The following NTN4 variants were observed in gnomAD, a reference collection of about 807,000 sequenced individuals.
NTN4 encodes the protein netrin-4.
Under a neutral mutation model 73.6 loss-of-function variants are expected in NTN4, and 32 were observed. The observed-to-expected ratio is 0.44, with a 90% CI of 0.33 to 0.58. The LOEUF (loss-of-function observed/expected upper bound fraction) is 0.58, where lower values mean the gene tolerates loss of function less well. NTN4 is among the 20% of genes least tolerant of loss of function. NTN4 has a pLI of 0.04. For missense variants in NTN4, 654 were observed against 798.3 expected (o/e 0.82, Z 2.18); for synonymous variants, 258 against 287.5 (o/e 0.90, Z 1.04).
chr12:95,710,864 T>G (rs2078559943), intron 4 of NTN4, among the ~76,000 whole-genome samples: 1 of 151,920 alleles, frequency 6.6e-6, no homozygotes. Flanking sequence ...ATTAGCCAGG[T>G]GCGGTGGCAC....
At chr12:95,770,213 T>C (rs1404164418) in intron 2 of NTN4, among the ~76,000 whole-genome samples, 3 of 151,960 alleles carry the variant, frequency 2.0e-5, no homozygotes, top group Non-Finnish European at 4.4e-5. Flanking sequence ...TGGGAATGAG[T>C]AAGAAAGGTG....
chr12:95,790,827 T>A (rs1474005396), upstream of NTN4: 3 of 147,230 alleles, frequency 2.0e-5, no homozygotes. The surrounding 1 kb of genome is among the most constrained non-coding windows in gnomAD (Gnocchi z 6.5). Flanking sequence ...GTGCCAGCCC[T>A]CCTCCCCTCG....
intron 4 of NTN4, among the ~76,000 whole-genome samples, chr12:95,712,399 A>G (rs1032313438): frequency 3.3e-5 from 5 of 152,216 alleles, no homozygotes; most frequent in African/African-American, 9.6e-5. Flanking sequence ...CTTGGGATCA[A>G]GTCCCCACTA....
intron 2 of NTN4, among the ~76,000 whole-genome samples, chr12:95,739,493 T>C (rs2078807157): frequency 6.6e-6 from 1 of 152,160 alleles, no homozygotes; most frequent in Admixed American, 6.5e-5. Context: ...AGAAGTAACA[T>C]CTTTTTCTTT....
rs531726082 is a variant in NTN4, at chr12:95,665,423, G to A, written c.1750+387C>T. Among the ~76,000 whole-genome samples the A allele has an allele frequency of 4.6e-5, 7 of 152,292 alleles. 1 individual carries two copies. In the South Asian group the frequency reaches 1.5e-3, roughly 32 times the overall value. On this transcript the variant is annotated intron_variant, in intron 9 of 9. Coordinates refer to ENST00000343702, the MANE Select transcript of NTN4 (RefSeq NM_021229.4). ...AAATGAATTCAATATTATTTCCACA[G>A]ATGGAATTTTGCATTTGAACTTCCT...
intron 5 of NTN4, among the ~76,000 whole-genome samples, chr12:95,707,757 T>C (rs985439866): frequency 1.3e-5 from 2 of 152,326 alleles, no homozygotes; most frequent in Middle Eastern, 3.4e-3. Flanking sequence ...ACTGGATGAA[T>C]GAATACATGA....
rs1229727462 is a variant in NTN4, at chr12:95,781,495, T to G, written c.585+5444A>C. ...GAGGGCGAGCATCAGGAAGAATAGC[T>G]AATGGATGCTGGGCTTAATACCTGG... On this transcript the variant is annotated intron_variant, in intron 2 of 9. Coordinates refer to ENST00000343702, the MANE Select transcript of NTN4 (RefSeq NM_021229.4). This position sits in a 1 kb window ranked among gnomAD's most constrained non-coding sequence, Gnocchi z 4.1. 6.6e-6 allele frequency among the ~76,000 whole-genome samples: 1 copy of G among 152,068 alleles called. No individual in the cohort carries two copies. Among genetic ancestry groups the G allele is most frequent in the East Asian group, 1.9e-4 (1 of 5,176 alleles).
At chr12:95,780,621 G>C (rs1401680861) in intron 2 of NTN4, among the ~76,000 whole-genome samples, 4 of 151,212 alleles carry the variant, frequency 2.6e-5, no homozygotes, top group African/African-American at 4.9e-5. Context: ...ACACCAGTTA[G>C]AATGGTAATC....
chr12:95,707,947 T>A (rs1198869490), intron 5 of NTN4, among the ~76,000 whole-genome samples: 1 of 152,198 alleles, frequency 6.6e-6, no homozygotes. Flanking sequence ...TTTCTACTAG[T>A]GGTCTGAGGC....
At chr12:95,786,244 G>C (rs956880462) in intron 2 of NTN4, among the ~76,000 whole-genome samples, 2 of 152,058 alleles carry the variant, frequency 1.3e-5, no homozygotes, top group Non-Finnish European at 2.9e-5. Flanking sequence ...CTGAGGGTTG[G>C]GGGGAGCCTT....
At chr12:95,779,773 C>A (rs921408586) in intron 2 of NTN4, among the ~76,000 whole-genome samples, 1 of 152,274 alleles carries the variant, frequency 6.6e-6, no homozygotes, top group African/African-American at 2.4e-5. Context: ...ATCAAGCTAC[C>A]AATGACTTTC....
chr12:95,771,058 C>T (rs1592715011), intron 2 of NTN4, among the ~76,000 whole-genome samples: 2 of 146,788 alleles, frequency 1.4e-5, no homozygotes, highest in East Asian at 3.9e-4. Flanking sequence ...GGCGCGATCT[C>T]GGCTCACTGC....
intron 3 of NTN4, among the ~76,000 whole-genome samples, chr12:95,721,106 T>G (rs1228701146): frequency 6.6e-6 from 1 of 152,222 alleles, no homozygotes; most frequent in Non-Finnish European, 1.5e-5. Context: ...ACTATGCCAT[T>G]GTAAGACCCT....
At chr12:95,727,222 T>C (rs1042360714) in intron 3 of NTN4, among the ~76,000 whole-genome samples, 6 of 152,190 alleles carry the variant, frequency 3.9e-5, no homozygotes, top group Admixed American at 3.3e-4. Flanking sequence ...CATACCTTCT[T>C]TGGGTGGCTC....
chr12:95,675,720 G>A (rs1053793089), intron 7 of NTN4, among the ~76,000 whole-genome samples: 8 of 152,164 alleles, frequency 5.3e-5, no homozygotes, highest in African/African-American at 1.7e-4. Flanking sequence ...ATGTGCATTC[G>A]GGGGATAGGG....
Position 95,671,730 on chromosome 12 carries a change from C to T in NTN4, c.1511-1584G>A, listed in dbSNP as rs535889066. Reference sequence around the variant, plus strand: ...GCATTCTCATACTCATTTATATATTCGTTTCCTCTCTAGACTGTGTCCCTT... The same window carrying T: ...GCATTCTCATACTCATTTATATATTTGTTTCCTCTCTAGACTGTGTCCCTT... On this transcript the variant is annotated intron_variant, in intron 7 of 9. Coordinates refer to ENST00000343702, the MANE Select transcript of NTN4 (RefSeq NM_021229.4). 3.9e-5 allele frequency among the ~76,000 whole-genome samples: 6 copies of T among 152,270 alleles called. No individual in the cohort carries two copies. In the South Asian group the frequency reaches 6.2e-4, roughly 16 times the overall value.
intron 3 of NTN4, among the ~76,000 whole-genome samples, chr12:95,732,236 TTC>T (rs762439443): frequency 9.4e-5 from 13 of 138,590 alleles, no homozygotes; most frequent in African/African-American, 2.3e-4. Flanking sequence ...CTTTCTTTCT[TTC>T]TCTGTCTTTC....
In NTN4 at chr12:95,737,973, T is replaced by C. The variant is rs758232917; in HGVS notation, c.757A>G (p.Ile253Val). ...CTGCCCTTGACAATGAAATCATAGATTGCATAGTGTGTAAAATGTTGAGGC... is the reference window on the plus strand; with the variant it reads ...CTGCCCTTGACAATGAAATCATAGACTGCATAGTGTGTAAAATGTTGAGGC... ...EEPQHFTHYA[I>V]YDFIVKGSCF... Residue 253 changes from isoleucine to valine, a missense_variant, in exon 3 of 10, where the codon ATC becomes GTC. Physicochemically the swap from Ile to Val is conservative, Grantham distance 29. Coordinates refer to ENST00000343702, the MANE Select transcript of NTN4 (RefSeq NM_021229.4). The C allele has an allele frequency of 1.6e-5, 26 of 1,613,946 alleles. No individual in the cohort carries two copies. Among genetic ancestry groups the C allele is most frequent in the African/African-American group, 5.3e-5 (4 of 74,904 alleles).
rs2078329746 is a variant in NTN4, at chr12:95,682,838, A to G, written c.1395-16T>C. ...GTCTGTGTGGCTAACAAAATAGAACATGATAAAGAACGTATTCAGGAATTT... is the reference window on the plus strand; with the variant it reads ...GTCTGTGTGGCTAACAAAATAGAACGTGATAAAGAACGTATTCAGGAATTT... On this transcript the variant is annotated splice_polypyrimidine_tract_variant and intron_variant, in intron 6 of 9. Transcript: ENST00000343702. The G allele has an allele frequency of 2.0e-6, 3 of 1,485,816 alleles. No individual in the cohort carries two copies. The highest frequency in any genetic ancestry group is 2.3e-5 in the East Asian group (1 of 44,142). 92.0% of individuals were successfully genotyped at this position (1,485,816 alleles called of 1,614,324 possible). A position where few individuals can be genotyped will look rare whatever the true frequency, so the allele number is the denominator to read the frequency against.
Sources: gnomAD v4.1 joint callset for allele counts (sites outside exome capture counted in the v4.1 genomes callset) on GRCh38, gnomAD v4.1.1 for gene constraint, Gnocchi (gnomAD v3.1) non-coding constraint, MANE v1.5 for transcripts, NCBI Gene and HGNC (gene_info 2026-07-23, HGNC 2026-07-21) for gene names.